Variants in CDH18 observed in about 807,000 individuals in gnomAD.
The protein encoded by CDH18 is cadherin 18.
Under a neutral mutation model 67.9 loss-of-function variants are expected in CDH18, and 31 were observed. That is an observed-to-expected ratio of 0.46 (90% CI 0.34 to 0.62). CDH18 has a LOEUF of 0.62. CDH18 is among the 20% of genes least tolerant of loss of function. The probability of loss-of-function intolerance (pLI) is 0.01; values close to 1 mark genes in which losing one functional copy is unlikely to be tolerated. For missense variants in CDH18, 890 were observed against 975.5 expected, an observed-to-expected ratio of 0.91 and a Z score of 1.17; for synonymous variants, 362 against 347.2, an observed-to-expected ratio of 1.04 and a Z score of -0.48.
In CDH18 at chr5:19,486,567, G is replaced by A. The variant is rs148572229; in HGVS notation, c.1631-3015C>T. Among the ~76,000 whole-genome samples the A allele has an allele frequency of 5.0e-3, 766 of 152,206 alleles. 5 individuals carry two copies. The highest frequency in any genetic ancestry group is 0.018 in the African/African-American group (728 of 41,542). On this transcript the variant is annotated intron_variant, in intron 11 of 12. Transcript: ENST00000382275. ...AACGCTTTGGGAGGCCAAGGCGGGT[G>A]GATCAACTGAGGTCAGGAGTTCAAG...
At chr5:19,908,035 T>C (rs553138079) in intron 2 of CDH18, among the ~76,000 whole-genome samples, 1 of 150,966 alleles carries the variant, frequency 6.6e-6, no homozygotes, top group South Asian at 2.1e-4. Context: ...CTCAATGACG[T>C]TTCCTAGCAA....
intron 1 of CDH18, among the ~76,000 whole-genome samples, chr5:20,555,349 T>C (rs757146232): frequency 7.3e-6 from 1 of 137,760 alleles, no homozygotes; most frequent in Non-Finnish European, 1.6e-5. Flanking sequence ...ACCCAATCTA[T>C]GGTATTTTGT....
intron 2 of CDH18, among the ~76,000 whole-genome samples, chr5:20,172,338 T>G (rs28593084): frequency 0.015 from 2,308 of 149,110 alleles, 64 homozygotes; most frequent in African/African-American, 0.054. Flanking sequence ...TCATGAATGA[T>G]TGCCTTTTTC....
At chr5:19,972,208 A>ATC (rs1215544033) in intron 2 of CDH18, among the ~76,000 whole-genome samples, 1 of 152,080 alleles carries the variant, frequency 6.6e-6, no homozygotes, top group Non-Finnish European at 1.5e-5. Flanking sequence ...TCATTTATAT[A>ATC]TTATCCTCAC....
intron 1 of CDH18, among the ~76,000 whole-genome samples, chr5:20,400,265 G>A (rs1745647026): frequency 6.6e-6 from 1 of 152,040 alleles, no homozygotes; most frequent in Admixed American, 6.6e-5. Flanking sequence ...GGATCATGAG[G>A]TCAGGAATTT....
intron 1 of CDH18, among the ~76,000 whole-genome samples, chr5:20,563,810 T>C (rs913791591): frequency 1.3e-5 from 2 of 152,106 alleles, no homozygotes; most frequent in African/African-American, 2.4e-5. Context: ...TCTAGTACCA[T>C]AGTAGTCACA....
chr5:19,981,483 T>C (rs1028964393), intron 1 of CDH18, among the ~76,000 whole-genome samples: 2 of 152,200 alleles, frequency 1.3e-5, no homozygotes, highest in African/African-American at 4.8e-5. Flanking sequence ...ATTGAGGCAC[T>C]GGCATCTGGT....
chr5:19,564,937 A>G (rs1287172418), intron 8 of CDH18, among the ~76,000 whole-genome samples: 1 of 152,078 alleles, frequency 6.6e-6, no homozygotes, highest in East Asian at 1.9e-4. Context: ...TACATACCAC[A>G]TGGGGAGAAA....
At chr5:20,394,360 T>C (rs1163154545) in intron 1 of CDH18, among the ~76,000 whole-genome samples, 1 of 152,112 alleles carries the variant, frequency 6.6e-6, no homozygotes, top group Admixed American at 6.5e-5. Context: ...TAGTCACATG[T>C]AGAAGAACGA....
chr5:19,980,314 C>T (rs1798909489), intron 2 of CDH18, among the ~76,000 whole-genome samples: 1 of 151,984 alleles, frequency 6.6e-6, no homozygotes, highest in African/African-American at 2.4e-5. Flanking sequence ...ATGACACAAA[C>T]AAATGGACTC....
At chr5:19,506,851 C>T (rs1744260730) in intron 10 of CDH18, among the ~76,000 whole-genome samples, 1 of 152,182 alleles carries the variant, frequency 6.6e-6, no homozygotes, top group Admixed American at 6.5e-5. Flanking sequence ...TGGGCAAGGA[C>T]TTCCTGTCTA....
intron 2 of CDH18, among the ~76,000 whole-genome samples, chr5:20,107,428 C>T (rs1343004960): frequency 6.6e-6 from 1 of 152,146 alleles, no homozygotes; most frequent in African/African-American, 2.4e-5. Context: ...CCAGCTTGTC[C>T]CTATCTCTGC....
At chr5:19,829,410 C>G (rs1397650924) in intron 3 of CDH18, among the ~76,000 whole-genome samples, 1 of 152,054 alleles carries the variant, frequency 6.6e-6, no homozygotes, top group East Asian at 1.9e-4. Context: ...CACTTATATA[C>G]AAGAACAACA....
chr5:20,101,499 G>A (rs1746461658), intron 2 of CDH18, among the ~76,000 whole-genome samples: 1 of 152,184 alleles, frequency 6.6e-6, no homozygotes, highest in Admixed American at 6.5e-5. Flanking sequence ...GCCATGGGCT[G>A]ACTTGAAGAT....
At chr5:19,660,671 G>C (rs2150310621) in intron 5 of CDH18, among the ~76,000 whole-genome samples, 1 of 152,186 alleles carries the variant, frequency 6.6e-6, no homozygotes, top group East Asian at 1.9e-4. Context: ...AAGAATCGTA[G>C]GGAAAATTAT....
At chr5:19,834,639 T>C (rs1035493819) in intron 3 of CDH18, among the ~76,000 whole-genome samples, 11 of 152,100 alleles carry the variant, frequency 7.2e-5, no homozygotes, top group Non-Finnish European at 4.4e-5. Flanking sequence ...GAGACCTTTC[T>C]AGCTTTCTGA....
At chr5:20,537,364 A>G (rs62354269) in intron 1 of CDH18, among the ~76,000 whole-genome samples, 2,607 of 151,370 alleles carry the variant, frequency 0.017, 35 homozygotes, top group African/African-American at 0.03. Flanking sequence ...ATTATTAATT[A>G]TTATAACAAT....
At chr5:20,164,678 G>T (rs1736152091) in intron 2 of CDH18, among the ~76,000 whole-genome samples, 1 of 152,116 alleles carries the variant, frequency 6.6e-6, no homozygotes. Context: ...AAGTAAATTA[G>T]AGGAAGAAGA....
chr5:20,533,763 G>A (rs1470709173), intron 1 of CDH18, among the ~76,000 whole-genome samples: 4 of 151,858 alleles, frequency 2.6e-5, no homozygotes, highest in East Asian at 1.9e-4. Context: ...TTTTATTCAT[G>A]TAAATAGGCA....
Sources: gnomAD v4.1 joint callset for allele counts (sites outside exome capture counted in the v4.1 genomes callset) on GRCh38, gnomAD v4.1.1 for gene constraint, MANE v1.5 for transcripts, NCBI Gene and HGNC (gene_info 2026-07-23, HGNC 2026-07-21) for gene names.